GRIA4: variants seen among roughly 807,000 people sequenced by gnomAD.
GRIA4 encodes glutamate receptor 4.
GRIA4 carries 34 observed loss-of-function variants against 104.0 expected under a neutral mutation model. The ratio of observed to expected loss-of-function variants is 0.33; its 90% CI spans 0.25 to 0.44. The LOEUF (loss-of-function observed/expected upper bound fraction) is 0.44. GRIA4 is among the 20% of genes least tolerant of loss of function. GRIA4 has a pLI of 1.00. For synonymous variants in GRIA4, 386 were observed against 381.9 expected, an observed-to-expected ratio of 1.01 and a Z score of -0.13; for missense variants, 750 against 1,096.5, an observed-to-expected ratio of 0.68 and a Z score of 4.46.
In GRIA4 at chr11:105,656,882, ACTGT is replaced by A. The variant is rs1262484105; in HGVS notation, c.247+44451_247+44454del. On this transcript the variant is annotated intron_variant, in intron 3 of 16. Coordinates refer to ENST00000282499, the MANE Select transcript of GRIA4 (RefSeq NM_000829.4). Reference sequence around the variant, plus strand: ...GCTGGAATGAGCTAATGGGTGGAAGACTGTCTATCAGAAAATATGTACTTATTAA... The same window carrying A: ...GCTGGAATGAGCTAATGGGTGGAAGACTATCAGAAAATATGTACTTATTAA... Among the ~76,000 whole-genome samples, 11 of 152,176 alleles carry A rather than the reference ACTGT, an allele frequency of 7.2e-5. No homozygotes were observed. The South Asian group carries it at 1.2e-3, about 17-fold the overall frequency.
chr11:105,701,910 T>C (rs553217652), intron 3 of GRIA4, among the ~76,000 whole-genome samples: 2 of 152,192 alleles, frequency 1.3e-5, no homozygotes, highest in Non-Finnish European at 2.9e-5. Context: ...CATAGTAATA[T>C]ACCAATATTT....
intron 14 of GRIA4, among the ~76,000 whole-genome samples, chr11:105,951,543 T>G (rs187703982): frequency 5.9e-4 from 90 of 152,292 alleles, no homozygotes; most frequent in African/African-American, 2.1e-3. Context: ...CTGAGTATAG[T>G]CTCAAACACC....
intron 4 of GRIA4, among the ~76,000 whole-genome samples, chr11:105,861,554 A>T (rs1314284917): frequency 6.6e-6 from 1 of 152,174 alleles, no homozygotes; most frequent in Non-Finnish European, 1.5e-5. Flanking sequence ...TCCTCAATAA[A>T]TACTGTTGTA....
intron 3 of GRIA4, among the ~76,000 whole-genome samples, chr11:105,679,704 A>G (rs922131708): frequency 6.6e-6 from 1 of 152,202 alleles, no homozygotes; most frequent in African/African-American, 2.4e-5. Context: ...ATATAAATAT[A>G]TATACACACA....
intron 7 of GRIA4, among the ~76,000 whole-genome samples, chr11:105,903,318 G>T (rs934282503): frequency 6.6e-6 from 1 of 152,140 alleles, no homozygotes; most frequent in African/African-American, 2.4e-5. Flanking sequence ...TCATTCTTCT[G>T]GGAGACTGAA....
At chr11:105,834,534 C>T (rs1944103249) in intron 4 of GRIA4, among the ~76,000 whole-genome samples, 1 of 151,882 alleles carries the variant, frequency 6.6e-6, no homozygotes. Flanking sequence ...TTTGGAGAAC[C>T]ATGCTAGCAT....
intron 10 of GRIA4, chr11:105,911,934 G>A: frequency 6.4e-7 from 1 of 1,554,074 alleles, no homozygotes. Context: ...GTTCCGCGCT[G>A]TTCGACCATT....
chr11:105,794,056 G>T (rs1323541921), intron 4 of GRIA4, among the ~76,000 whole-genome samples: 2 of 152,016 alleles, frequency 1.3e-5, no homozygotes, highest in Non-Finnish European at 2.9e-5. Context: ...AGAGATGTGA[G>T]AATTATAATT....
chr11:105,630,285 G>C (rs1950999205), intron 3 of GRIA4, among the ~76,000 whole-genome samples: 1 of 152,202 alleles, frequency 6.6e-6, no homozygotes, highest in African/African-American at 2.4e-5. Context: ...CACCCACTAG[G>C]CCAGGCACAG....
Position 105,910,435 on chromosome 11 carries a change from G to C in GRIA4, c.1159G>C (p.Val387Leu). The C allele has an allele frequency of 6.8e-7, 1 of 1,468,076 alleles. No individual in the cohort carries two copies. 90.9% of individuals were successfully genotyped at this position (1,468,076 alleles called of 1,614,324 possible). A position where few individuals can be genotyped will look rare whatever the true frequency, so the allele number is the denominator to read the frequency against. Reference sequence around the variant, plus strand: ...TTCAAGCATGTTCTCTATTTGGCAGGTTGGTTACTGGAATGATATGGATAA... The same window carrying C: ...TTCAAGCATGTTCTCTATTTGGCAGCTTGGTTACTGGAATGATATGGATAA... ...FELKSTGPRK[V>L]GYWNDMDKLV... Residue 387 changes from valine to leucine, a missense_variant and splice_region_variant, in exon 10 of 17, where the codon GTT becomes CTT. Transcript: ENST00000282499.
chr11:105,846,935 G>A (rs972826694), intron 4 of GRIA4, among the ~76,000 whole-genome samples: 1 of 152,212 alleles, frequency 6.6e-6, no homozygotes. Flanking sequence ...TGCAGGTGAG[G>A]ATGAGCTGGT....
chr11:105,625,974 A>T (rs1051947219), intron 3 of GRIA4, among the ~76,000 whole-genome samples: 5 of 151,988 alleles, frequency 3.3e-5, no homozygotes, highest in Non-Finnish European at 1.5e-5. Context: ...ATTCTGTGGG[A>T]CTCTTTACTA....
intron 3 of GRIA4, among the ~76,000 whole-genome samples, chr11:105,676,502 T>A (rs1327063857): frequency 3.5e-5 from 3 of 85,100 alleles, no homozygotes; most frequent in Non-Finnish European, 7.2e-5. Context: ...ATATTTGATA[T>A]CTTATATGTT....
intron 4 of GRIA4, among the ~76,000 whole-genome samples, chr11:105,845,790 A>G (rs1944568599): frequency 6.6e-6 from 1 of 152,126 alleles, no homozygotes; most frequent in Non-Finnish European, 1.5e-5. Context: ...AGGCTGAGGC[A>G]GGAGCCTCAG....
chr11:105,810,307 A>C (rs1943121188), intron 4 of GRIA4, among the ~76,000 whole-genome samples: 1 of 152,138 alleles, frequency 6.6e-6, no homozygotes, highest in African/African-American at 2.4e-5. Context: ...GCTCTGGGAG[A>C]TAGCTTGCCA....
chr11:105,888,674 A>C (rs1206040129), intron 6 of GRIA4, among the ~76,000 whole-genome samples: 1 of 151,988 alleles, frequency 6.6e-6, no homozygotes, highest in Non-Finnish European at 1.5e-5. Context: ...AGAGATTCAG[A>C]TCTACCCATT....
chr11:105,630,521 G>A (rs747522038), intron 3 of GRIA4, among the ~76,000 whole-genome samples: 2 of 152,086 alleles, frequency 1.3e-5, no homozygotes, highest in African/African-American at 4.8e-5. Flanking sequence ...CTGAGATCAC[G>A]CCGCTGCATC....
rs569292239 is a variant in GRIA4 at position 105,894,791 on chromosome 11, ATT to A, written c.727-3460_727-3459del. ...TCTAACTGCAGGATTATTGCTACAT[ATT>A]TTTTTTTTTTTTTTTTTGAGACGGA... is the stretch of plus-strand genomic sequence containing the variant. On this transcript the variant is annotated intron_variant, in intron 6 of 16. Transcript: ENST00000282499. Among the ~76,000 whole-genome samples, 285 of 126,310 alleles carry A rather than the reference ATT, an allele frequency of 2.3e-3. 22 individuals are homozygous for A. In the Middle Eastern group the frequency reaches 0.086, roughly 38 times the overall value. The allele number at this position is 126,310 out of a possible 152,430, so 82.9% of individuals were successfully genotyped here.
intron 3 of GRIA4, among the ~76,000 whole-genome samples, chr11:105,671,618 C>T (rs898928119): frequency 1.0e-4 from 12 of 115,910 alleles, no homozygotes; most frequent in Admixed American, 3.9e-4. Context: ...GTGGAGGTTG[C>T]GGTGAGCTGA....
Sources: allele counts gnomAD v4.1 joint callset (sites outside exome capture counted in the v4.1 genomes callset), GRCh38; gene constraint gnomAD v4.1.1; transcripts MANE v1.5; gene names NCBI Gene and HGNC (gene_info 2026-07-23, HGNC 2026-07-21).